SLC26A4: variants seen among roughly 807,000 people sequenced by gnomAD.
SLC26A4 encodes the protein solute carrier family 26 member 4.
A neutral mutation model predicts 90.4 loss-of-function variants in SLC26A4; 93 were observed. The observed-to-expected ratio is 1.03, with a 90% CI of 0.87 to 1.22. SLC26A4 has a LOEUF of 1.22. Among genes scored for constraint, SLC26A4 ranks in the 50% most tolerant of loss-of-function variants. The pLI is 0.00. For missense variants in SLC26A4, 1,127 were observed against 946.2 expected (o/e 1.19, Z -2.51); for synonymous variants, 393 against 354.6 (o/e 1.11, Z -1.22).
rs1312836744 is a variant in SLC26A4, at chr7:107,700,103, G to A, written c.1635G>A (p.Val545=). Residue 545 remains valine, a synonymous_variant, in exon 15 of 21, where the codon GTG becomes GTA. Coordinates refer to ENST00000644269, the MANE Select transcript of SLC26A4 (RefSeq NM_000441.2). ...NYKNIEEPQG[V]KILRFSSPIF... is the part of the protein sequence containing the mutation. The stretch of plus-strand genomic sequence containing the variant: ...GCCAGATTGAAGAACCTCAAGGAGT[G>A]AAGATTCTTAGATTTTCCAGTCCTA... The A allele has an allele frequency of 6.3e-7, 1 of 1,576,464 alleles. No homozygotes were observed. Among genetic ancestry groups the A allele is most frequent in the Non-Finnish European group, 8.7e-7 (1 of 1,145,810 alleles).
At chr7:107,693,213 G>T (rs189575193) in intron 10 of SLC26A4, 2 of 759,432 alleles carry the variant, frequency 2.6e-6, no homozygotes, top group Admixed American at 1.3e-4. Flanking sequence ...CAGCTTCTCT[G>T]CTTAGTCAGG....
At chr7:107,707,808 C>A (rs995290975) in intron 18 of SLC26A4, among the ~76,000 whole-genome samples, 3 of 152,112 alleles carry the variant, frequency 2.0e-5, no homozygotes, top group African/African-American at 7.2e-5. Flanking sequence ...TTTACAGATT[C>A]TTTAAGAAAT....
intron 6 of SLC26A4, among the ~76,000 whole-genome samples, chr7:107,679,969 T>TATAATATAATCTTATCTTATTAC (rs1235744270): frequency 2.9e-5 from 4 of 138,130 alleles, no homozygotes; most frequent in African/African-American, 1.1e-4. Context: ...AATCTTATTA[T>TATAATATAATCTTATCTTATTAC]ATAATATAAT....
rs879013074 is a variant in SLC26A4 at position 107,663,537 on chromosome 7, C to A, written c.304+102C>A. ...ACAGATGGTTGCTTACCCTTCAAGG[C>A]CTGTATCTTTCCTGTAGAGCCCCTT... On this transcript the variant is annotated intron_variant, in intron 3 of 20. Coordinates refer to ENST00000644269, the MANE Select transcript of SLC26A4 (RefSeq NM_000441.2). The A allele has an allele frequency of 3.9e-6, 5 of 1,298,560 alleles. No homozygotes were observed. The East Asian group carries it at 9.2e-5, about 24-fold the overall frequency. 80.4% of individuals were successfully genotyped at this position (1,298,560 alleles called of 1,614,324 possible).
At chr7:107,670,070 G>T (rs1441303951) in intron 3 of SLC26A4, among the ~76,000 whole-genome samples, 1 of 150,636 alleles carries the variant, frequency 6.6e-6, no homozygotes, top group African/African-American at 2.4e-5. Context: ...TGTGTTTCTT[G>T]TATATGTAAA....
intron 10 of SLC26A4, among the ~76,000 whole-genome samples, chr7:107,691,199 G>C (rs909060326): frequency 4.0e-5 from 6 of 150,486 alleles, no homozygotes; most frequent in African/African-American, 1.5e-4. Context: ...CTAAGGCGGG[G>C]ACACTTAAAA....
At chr7:107,671,357 G>T (rs1374410860) in intron 3 of SLC26A4, among the ~76,000 whole-genome samples, 1 of 151,998 alleles carries the variant, frequency 6.6e-6, no homozygotes, top group South Asian at 2.1e-4. Flanking sequence ...ATGGAGTCTT[G>T]CTATGTTTTC....
chr7:107,689,725 C>T (rs1276941787), intron 9 of SLC26A4, among the ~76,000 whole-genome samples: 2 of 152,082 alleles, frequency 1.3e-5, no homozygotes, highest in Non-Finnish European at 2.9e-5. Context: ...TACAGTATAG[C>T]AATAACAGTA....
At position 107,661,776 on chromosome 7, in the gene SLC26A4, G is replaced by T. The variant is rs756029600; in HGVS notation, c.135G>T (p.Thr45=). The T allele has an allele frequency of 8.0e-5, 123 of 1,540,978 alleles. No individual in the cohort carries two copies. The South Asian group carries it at 1.3e-3, about 16-fold the overall frequency. Residue 45 remains threonine (T), a synonymous_variant, in exon 2 of 21, where the codon ACG becomes ACT. Transcript: ENST00000644269. This position sits in a 1 kb window ranked among gnomAD's most constrained non-coding sequence, Gnocchi z 5.1. The stretch of plus-strand genomic sequence containing the variant: ...AGCGGCGCCTGCAGGAGCGCAAGAC[G>T]CTGCGGGAGAGCCTGGCCAAGTGCT... ...QHERRLQERK[T]LRESLAKCCS... is the part of the protein sequence containing the mutation.
At chr7:107,694,253 A>G (rs1281316448) in intron 10 of SLC26A4, 150 bp from the exon 11 acceptor site, 16 of 709,764 alleles carry the variant, frequency 2.3e-5, no homozygotes, top group Non-Finnish European at 3.8e-5. Context: ...GCAAATAACT[A>G]TCACTTTTCT....
Position 107,716,293 on chromosome 7 carries a change from A to G in SLC26A4, c.*847A>G, listed in dbSNP as rs1407642102. The stretch of plus-strand genomic sequence containing the variant: ...GTATGATCTGTGTAAAATCTGACAT[A>G]AAAACAGTGCTATTCTGAGTGAAAA... On this transcript the variant is annotated 3_prime_UTR_variant, in exon 21 of 21. Transcript: ENST00000644269. 2 of 152,202 alleles carry G rather than the reference A, an allele frequency of 1.3e-5. No individual in the cohort carries two copies. Among genetic ancestry groups the G allele is most frequent in the Non-Finnish European group, 2.9e-5 (2 of 68,022 alleles). The allele number at this position is 152,202 out of a possible 1,614,324, so 9.4% of individuals were successfully genotyped here.
At chr7:107,672,516 C>A (rs1790900279) in intron 4 of SLC26A4, among the ~76,000 whole-genome samples, 1 of 151,662 alleles carries the variant, frequency 6.6e-6, no homozygotes. Flanking sequence ...AATAAAAAAA[C>A]TGAAAATGAC....
rs1370962221 is a variant in SLC26A4 at position 107,703,867 on chromosome 7, T to TATAC, written c.2035-463_2035-460dup. Among the ~76,000 whole-genome samples the TATAC allele has an allele frequency of 2.0e-5, 3 of 152,324 alleles. No individual in the cohort carries two copies. In the East Asian group the frequency reaches 5.8e-4, roughly 29 times the overall value. ...TGTAAGGAATAATATTTAGATCCTA[T>TATAC]ATACCCCTTACCCAGTTTCTCCCAA... On this transcript the variant is annotated intron_variant, in intron 17 of 20. Coordinates refer to ENST00000644269, the MANE Select transcript of SLC26A4 (RefSeq NM_000441.2).
chr7:107,683,316 C>T lies in SLC26A4; in HGVS notation c.880C>T (p.His294Tyr). 1 of 1,613,662 alleles carries T rather than the reference C, an allele frequency of 6.2e-7. No individual in the cohort carries two copies. The highest frequency in any genetic ancestry group is 8.5e-7 in the Non-Finnish European group (1 of 1,179,708). Residue 294 changes from histidine (H) to tyrosine (Y), a missense_variant, in exon 7 of 21, where the codon CAC (histidine) becomes TAC (tyrosine). Transcript: ENST00000644269. ...AVKELNDRFR[H>Y]KIPVPIPIEV... ...TAAGGAATTAAATGATCGGTTTAGACACAAAATCCCAGTCCCTATTCCTAT... is the reference window on the plus strand; with the variant it reads ...TAAGGAATTAAATGATCGGTTTAGATACAAAATCCCAGTCCCTATTCCTAT...
intron 10 of SLC26A4, chr7:107,692,115 G>A: frequency 3.9e-6 from 5 of 1,284,096 alleles, no homozygotes; most frequent in Middle Eastern, 2.1e-4. Context: ...CTTGGCACAG[G>A]GTTTGGGGGA....
Position 107,667,460 on chromosome 7 carries a change from TTAAAAAAAAA to T in SLC26A4, c.304+4026_304+4035del, listed in dbSNP as rs1190138301. Among the ~76,000 whole-genome samples, 7 of 26,426 alleles carry T rather than the reference TTAAAAAAAAA, an allele frequency of 2.6e-4. 1 individual carries two copies. The highest frequency in any genetic ancestry group is 3.0e-4 in the Non-Finnish European group (5 of 16,404). The allele number at this position is 26,426 out of a possible 152,430, so 17.3% of individuals were successfully genotyped here. Reference sequence around the variant, plus strand: ...GGGATCAGAAGCCAAGAGAGAAGGTTTAAAAAAAAAAAAAAAAAAAAAAAAGCATAGAGGG... The same window carrying T: ...GGGATCAGAAGCCAAGAGAGAAGGTTAAAAAAAAAAAAAAAGCATAGAGGG... On this transcript the variant is annotated intron_variant, in intron 3 of 20. Coordinates refer to ENST00000644269, the MANE Select transcript of SLC26A4 (RefSeq NM_000441.2).
Position 107,674,242 on chromosome 7 carries a change from G to C in SLC26A4, c.494G>C (p.Ser165Thr), listed in dbSNP as rs1790954089. 3.7e-6 allele frequency: 6 copies of C among 1,613,970 alleles called. No homozygotes were observed. Among genetic ancestry groups the C allele is most frequent in the Non-Finnish European group, 4.2e-6 (5 of 1,179,990 alleles). ...CCCGACGAACACTTTCTCGTATCCAGCAGCAATGGAACTGTATTAAATACT... is the reference window on the plus strand; with the variant it reads ...CCCGACGAACACTTTCTCGTATCCACCAGCAATGGAACTGTATTAAATACT... ...MAPDEHFLVS[S>T]SNGTVLNTTM... The change falls in exon 5 of 21, where the codon AGC (serine) becomes ACC (threonine). Residue 165 changes from serine (S) to threonine (T), a missense_variant. Transcript: ENST00000644269.
In SLC26A4 at chr7:107,715,066, T is replaced by TAA. The variant is rs543905042; in HGVS notation, c.2320-339_2320-338dup. 6.1e-3 allele frequency among the ~76,000 whole-genome samples: 599 copies of TAA among 98,660 alleles called. 6 individuals carry two copies. The highest frequency in any genetic ancestry group is 0.019 in the African/African-American group (554 of 28,504). 64.7% of individuals were successfully genotyped at this position (98,660 alleles called of 152,430 possible). On this transcript the variant is annotated intron_variant, in intron 20 of 20. Coordinates refer to ENST00000644269, the MANE Select transcript of SLC26A4 (RefSeq NM_000441.2). ...ATGGTAACCCCCCGACCATCTCTACTAAAAAAAAAAAAAAAAAAATTAGCT... is the reference window on the plus strand; with the variant it reads ...ATGGTAACCCCCCGACCATCTCTACTAAAAAAAAAAAAAAAAAAAAATTAGCT...
chr7:107,691,527 A>ACACG (rs1791577665), intron 10 of SLC26A4, among the ~76,000 whole-genome samples: 1 of 87,936 alleles, frequency 1.1e-5, no homozygotes, highest in African/African-American at 3.6e-5. Flanking sequence ...ACACACACAC[A>ACACG]CACACACACA....
Sources: allele counts gnomAD v4.1 joint callset (sites outside exome capture counted in the v4.1 genomes callset), GRCh38; gene constraint gnomAD v4.1.1; non-coding constraint Gnocchi (gnomAD v3.1); transcripts MANE v1.5; gene names NCBI Gene and HGNC (gene_info 2026-07-23, HGNC 2026-07-21).